Variants in ADK observed in about 807,000 individuals in gnomAD.
The protein encoded by ADK is N6,N6-dimethyladenosine kinase.
ADK carries 24 observed loss-of-function variants against 44.7 expected under a neutral mutation model. That is an observed-to-expected ratio of 0.54 (90% CI 0.39 to 0.76). The LOEUF is 0.76. Among genes scored for constraint, ADK ranks in the 30% least tolerant of loss-of-function variants. The pLI is 0.00. For missense variants in ADK, 321 were observed against 425.1 expected, an observed-to-expected ratio of 0.76 and a Z score of 2.15; for synonymous variants, 128 against 142.6, an observed-to-expected ratio of 0.90 and a Z score of 0.73.
chr10:74,615,353 GATTGGGGTTTT>G (rs1479613692), intron 9 of ADK, among the ~76,000 whole-genome samples: 1 of 152,112 alleles, frequency 6.6e-6, no homozygotes, highest in Admixed American at 6.5e-5. Context: ...TTCACATCCT[GATTGGGGTTTT>G]ATTTTCTCAA....
chr10:74,248,709 A>G (rs947914432), intron 3 of ADK, among the ~76,000 whole-genome samples: 1 of 152,232 alleles, frequency 6.6e-6, no homozygotes, highest in African/African-American at 2.4e-5. Flanking sequence ...CTTTTTAAAC[A>G]AGTATAAAAA....
intron 9 of ADK, among the ~76,000 whole-genome samples, chr10:74,620,654 A>T (rs1852960747): frequency 6.6e-6 from 1 of 152,096 alleles, no homozygotes; most frequent in African/African-American, 2.4e-5. Context: ...TTGCTGGATC[A>T]TATGGTAGTT....
At position 74,708,530 on chromosome 10, in the gene ADK, T is replaced by C; in HGVS notation, c.*85T>C. 6.8e-7 allele frequency: 1 copy of C among 1,473,706 alleles called. No individual in the cohort carries two copies. Among genetic ancestry groups the C allele is most frequent in the South Asian group, 1.2e-5 (1 of 85,284 alleles). The allele number at this position is 1,473,706 out of a possible 1,614,324, so 91.3% of individuals were successfully genotyped here. ...ATTCCCATATTAATAAAGAAGAAAA[T>C]TATCTGCCATTTTTTCCTACTATAA... On this transcript the variant is annotated 3_prime_UTR_variant, in exon 11 of 11. Transcript: ENST00000539909.
intron 6 of ADK, among the ~76,000 whole-genome samples, chr10:74,519,151 A>C (rs1224142874): frequency 6.6e-6 from 1 of 152,006 alleles, no homozygotes; most frequent in African/African-American, 2.4e-5. Flanking sequence ...AAAAATTATT[A>C]GATTTTAACC....
intron 9 of ADK, among the ~76,000 whole-genome samples, chr10:74,658,261 A>T (rs907665501): frequency 5.3e-5 from 8 of 152,138 alleles, no homozygotes; most frequent in African/African-American, 7.2e-5. Context: ...ATCAGAAAAA[A>T]ATATTGCCTT....
rs190608069 is a variant in ADK, at chr10:74,246,299, C to G, written c.194+21708C>G. 2.6e-5 allele frequency among the ~76,000 whole-genome samples: 4 copies of G among 152,338 alleles called. No homozygotes were observed. The East Asian group carries it at 5.8e-4, about 22-fold the overall frequency. On this transcript the variant is annotated intron_variant, in intron 3 of 10. Coordinates refer to ENST00000539909, the MANE Select transcript of ADK (RefSeq NM_006721.4). ...TTGAATGTACAAGTTATATGAAACT[C>G]TAGCAGTTCTGTCAAAAGACAAAGT...
At chr10:74,523,003 T>A (rs1052248647) in intron 6 of ADK, among the ~76,000 whole-genome samples, 40 of 151,352 alleles carry the variant, frequency 2.6e-4, no homozygotes, top group African/African-American at 7.5e-4. Flanking sequence ...TGCCTTTTCC[T>A]CCTCTTATTA....
At chr10:74,477,675 T>G (rs1846908982) in intron 6 of ADK, among the ~76,000 whole-genome samples, 1 of 152,164 alleles carries the variant, frequency 6.6e-6, no homozygotes, top group African/African-American at 2.4e-5. Flanking sequence ...GATGAGGAAA[T>G]CTTTCTTACC....
intron 9 of ADK, among the ~76,000 whole-genome samples, chr10:74,651,560 ATTTC>A (rs539364772): frequency 8.8e-4 from 134 of 152,224 alleles, no homozygotes; most frequent in African/African-American, 3.0e-3. Context: ...GCAAACCAAC[ATTTC>A]TTTCTTTTTT....
intron 1 of ADK, among the ~76,000 whole-genome samples, chr10:74,161,053 C>A (rs925439317): frequency 6.6e-6 from 1 of 152,182 alleles, no homozygotes; most frequent in Non-Finnish European, 1.5e-5. Flanking sequence ...GTACTTTATA[C>A]TTTGCGTTAT....
chr10:74,176,387 G>T, intron 1 of ADK: 1 of 928,180 alleles, frequency 1.1e-6, no homozygotes, highest in Non-Finnish European at 1.3e-6. Context: ...CACTCCCGAA[G>T]ACCTGCCCTG....
rs577808915 is a variant in ADK at position 74,222,708 on chromosome 10, T to G, written c.141-1830T>G. Among the ~76,000 whole-genome samples, 640 of 152,140 alleles carry G rather than the reference T, an allele frequency of 4.2e-3. 5 individuals carry two copies. Among genetic ancestry groups the G allele is most frequent in the African/African-American group, 0.015 (620 of 41,518 alleles). On this transcript the variant is annotated intron_variant, in intron 2 of 10. Coordinates refer to ENST00000539909, the MANE Select transcript of ADK (RefSeq NM_006721.4). The stretch of plus-strand genomic sequence containing the variant: ...AAAAAATGATGAGTTTATGTCCTTT[T>G]TAGGGACATGGATGAAATTGGAAAT...
chr10:74,183,603 C>G (rs575914712), intron 1 of ADK, among the ~76,000 whole-genome samples: 1 of 151,960 alleles, frequency 6.6e-6, no homozygotes, highest in Non-Finnish European at 1.5e-5. Context: ...CTCCACTTCC[C>G]AGGTTCAAGC....
chr10:74,640,231 C>G (rs538434793), intron 9 of ADK, among the ~76,000 whole-genome samples: 147 of 152,252 alleles, frequency 9.7e-4, no homozygotes, highest in Admixed American at 3.2e-3. Flanking sequence ...TTGAAAGTGG[C>G]TCTCTCTCAG....
At chr10:74,503,060 A>G (rs1303337568) in intron 6 of ADK, among the ~76,000 whole-genome samples, 1 of 152,160 alleles carries the variant, frequency 6.6e-6, no homozygotes, top group Non-Finnish European at 1.5e-5. Context: ...TCTACTTAGT[A>G]TGTATTTTCT....
At chr10:74,367,814 A>G (rs906560381) in intron 4 of ADK, among the ~76,000 whole-genome samples, 4 of 152,172 alleles carry the variant, frequency 2.6e-5, no homozygotes, top group African/African-American at 9.7e-5. Context: ...AGCATAGTGC[A>G]GATATGCTGT....
At chr10:74,527,372 CAA>C (rs35990549) in intron 7 of ADK, among the ~76,000 whole-genome samples, 6,152 of 138,622 alleles carry the variant, frequency 0.044, 385 homozygotes, top group African/African-American at 0.14. Context: ...AACAAACAAA[CAA>C]AAAAAAAAAA....
chr10:74,550,046 T>C (rs1170208884), intron 7 of ADK, among the ~76,000 whole-genome samples: 1 of 151,344 alleles, frequency 6.6e-6, no homozygotes, highest in Non-Finnish European at 1.5e-5. Context: ...CATTGTCACA[T>C]GTTAGCATAA....
At chr10:74,384,753 A>G (rs1432295632) in intron 4 of ADK, among the ~76,000 whole-genome samples, 1 of 152,172 alleles carries the variant, frequency 6.6e-6, no homozygotes, top group Non-Finnish European at 1.5e-5. Context: ...CCTGAAACCT[A>G]AGTAGGAAGC....
Sources: allele counts gnomAD v4.1 joint callset (sites outside exome capture counted in the v4.1 genomes callset), GRCh38; gene constraint gnomAD v4.1.1; transcripts MANE v1.5; gene names NCBI Gene and HGNC (gene_info 2026-07-23, HGNC 2026-07-21).